Variants in TP73 observed in about 807,000 individuals in gnomAD.
TP73 encodes p53-like transcription factor.
A neutral mutation model predicts 62.5 loss-of-function variants in TP73; 25 were observed. The ratio of observed to expected loss-of-function variants is 0.40; its 90% CI spans 0.29 to 0.56. TP73 has a LOEUF of 0.56. Among genes scored for constraint, TP73 ranks in the 20% least tolerant of loss-of-function variants. The pLI, the probability that TP73 is intolerant of heterozygous loss-of-function variation, is 0.46. For synonymous variants in TP73, 423 were observed against 377.5 expected (o/e 1.12, Z -1.40); for missense variants, 754 against 913.3 (o/e 0.83, Z 2.25).
intron 3 of TP73, chr1:3,690,721 C>A: frequency 7.0e-7 from 1 of 1,432,070 alleles, no homozygotes; most frequent in South Asian, 1.5e-5. Context: ...GCGAAAATGC[C>A]AACAAACGGC....
intron 4 of TP73, among the ~76,000 whole-genome samples, chr1:3,713,426 G>C (rs1640326714): frequency 3.3e-5 from 5 of 152,194 alleles, no homozygotes; most frequent in Admixed American, 2.0e-4. Context: ...GCTTCTCCTG[G>C]ACCCAGTGCT....
In TP73 at chr1:3,699,113, G is replaced by A. The variant is rs1638933978; in HGVS notation, c.187-8436G>A. 6.6e-6 allele frequency among the ~76,000 whole-genome samples: 1 copy of A among 152,190 alleles called. No homozygotes were observed. Among genetic ancestry groups the A allele is most frequent in the Non-Finnish European group, 1.5e-5 (1 of 68,018 alleles). ...GCTGTGGATGAGAGCAGAGGGTGCT[G>A]TGTGCACATTGTCGGGAGAGGGAGG... On this transcript the variant is annotated intron_variant, in intron 3 of 13. Transcript: ENST00000378295. This position sits in a 1 kb window ranked among gnomAD's most constrained non-coding sequence, Gnocchi z 4.1.
chr1:3,690,728 C>T lies in TP73; in HGVS notation c.186+7548C>T, dbSNP rs371650314. 7.9e-4 allele frequency: 1,137 copies of T among 1,434,018 alleles called. 13 individuals carry two copies. The highest frequency in any genetic ancestry group is 4.7e-3 in the South Asian group (319 of 68,144). The allele number at this position is 1,434,018 out of a possible 1,614,324, so 88.8% of individuals were successfully genotyped here. A position where few individuals can be genotyped will look rare whatever the true frequency, so the allele number is the denominator to read the frequency against. On this transcript the variant is annotated intron_variant, in intron 3 of 13. Coordinates refer to ENST00000378295, the MANE Select transcript of TP73 (RefSeq NM_005427.4). ...TGGGAAAAGCGAAAATGCCAACAAA[C>T]GGCCCGCATGTTCCCCAGCATCCTC...
intron 1 of TP73, among the ~76,000 whole-genome samples, chr1:3,681,669 G>A (rs1645524248): frequency 6.6e-6 from 1 of 152,168 alleles, no homozygotes; most frequent in Non-Finnish European, 1.5e-5. Context: ...GGGGGCGTCT[G>A]TGTCCTGCAG....
At chr1:3,728,540 TA>T (rs1471916093) in intron 9 of TP73, among the ~76,000 whole-genome samples, 1 of 152,232 alleles carries the variant, frequency 6.6e-6, no homozygotes, top group Non-Finnish European at 1.5e-5. Flanking sequence ...TCCAGGACCC[TA>T]ACGTTGGCCA....
chr1:3,688,216 T>C (rs1042861615), intron 3 of TP73, among the ~76,000 whole-genome samples: 2 of 152,068 alleles, frequency 1.3e-5, no homozygotes, highest in African/African-American at 4.8e-5. Context: ...CAGCCTTTCC[T>C]TTGGTGGGCT....
At chr1:3,660,613 T>A (rs904236906) in intron 1 of TP73, among the ~76,000 whole-genome samples, 2 of 152,252 alleles carry the variant, frequency 1.3e-5, no homozygotes, top group Non-Finnish European at 2.9e-5. Flanking sequence ...AAGTGTAATG[T>A]ACCAGAATGC....
rs1638673368 is a variant in TP73, at chr1:3,696,522, G to C, written c.187-11027G>C. ...GACAGCGGCTGGAGCTGAGCACTGG[G>C]CACTACGACATCCGAGACACCAAGC... is the stretch of plus-strand genomic sequence containing the variant. On this transcript the variant is annotated intron_variant, in intron 3 of 13. Transcript: ENST00000378295. The surrounding 1 kb of genome is among the most constrained non-coding windows in gnomAD (Gnocchi z 4.1). Among the ~76,000 whole-genome samples, 1 of 151,910 alleles carries C rather than the reference G, an allele frequency of 6.6e-6. No individual in the cohort carries two copies. The highest frequency in any genetic ancestry group is 2.4e-5 in the African/African-American group (1 of 41,404).
chr1:3,693,735 C>T (rs34095686), intron 3 of TP73, among the ~76,000 whole-genome samples: 1 of 95,202 alleles, frequency 1.1e-5, no homozygotes, highest in Non-Finnish European at 2.5e-5. Context: ...AATCCCAGCC[C>T]TGCAGCCTCA....
chr1:3,729,463 G>A lies in TP73; in HGVS notation c.1196+15G>A, dbSNP rs1373887650. The A allele has an allele frequency of 2.5e-6, 4 of 1,612,338 alleles. No individual in the cohort carries two copies. Among genetic ancestry groups the A allele is most frequent in the Middle Eastern group, 1.6e-4 (1 of 6,080 alleles). On this transcript the variant is annotated intron_variant, in intron 10 of 13. Coordinates refer to ENST00000378295, the MANE Select transcript of TP73 (RefSeq NM_005427.4). ...CTACAGAGGCCGTGAGTCAGCCCTAGCCCACCATCAGTGTGGGGAAGGAGG... is the reference window on the plus strand; with the variant it reads ...CTACAGAGGCCGTGAGTCAGCCCTAACCCACCATCAGTGTGGGGAAGGAGG...
At position 3,730,140 on chromosome 1, in the gene TP73, G is replaced by C. The variant is rs1223663309; in HGVS notation, c.1337G>C (p.Gly446Ala). The stretch of plus-strand genomic sequence containing the variant: ...AGTTCGGCAGCTACACCCAACCTGG[G>C]GCCCGTGGGTGAGTCCCTTGGGCAG... ...PHSSAATPNL[G>A]PVGPGMLNNH... The change falls in exon 11 of 14, where the codon GGG becomes GCG. Residue 446 changes from glycine to alanine, a missense_variant. Gly to Ala is a moderately conservative substitution (Grantham distance 60, BLOSUM62 0). Coordinates refer to ENST00000378295, the MANE Select transcript of TP73 (RefSeq NM_005427.4). 5 of 1,554,216 alleles carry C rather than the reference G, an allele frequency of 3.2e-6. No homozygotes were observed. The highest frequency in any genetic ancestry group is 4.4e-6 in the Non-Finnish European group (5 of 1,148,178).
intron 3 of TP73, among the ~76,000 whole-genome samples, chr1:3,692,579 T>C (rs763836005): frequency 5.9e-5 from 9 of 152,110 alleles, no homozygotes; most frequent in Non-Finnish European, 1.2e-4. Context: ...GGCTGCCTTG[T>C]ACCCCCAGAC....
At chr1:3,695,803 G>T (rs1262957296) in intron 3 of TP73, among the ~76,000 whole-genome samples, 3 of 152,250 alleles carry the variant, frequency 2.0e-5, no homozygotes, top group Non-Finnish European at 2.9e-5. Context: ...ACCACAGGGG[G>T]GCAGGGCCAA....
chr1:3,666,647 G>A lies in TP73; in HGVS notation c.-34+14006G>A, dbSNP rs1267011730. Among the ~76,000 whole-genome samples the A allele has an allele frequency of 1.3e-5, 2 of 152,084 alleles. No individual in the cohort carries two copies. Among genetic ancestry groups the A allele is most frequent in the East Asian group, 1.9e-4 (1 of 5,186 alleles). On this transcript the variant is annotated intron_variant, in intron 1 of 13. Coordinates refer to ENST00000378295, the MANE Select transcript of TP73 (RefSeq NM_005427.4). This position sits in a 1 kb window ranked among gnomAD's most constrained non-coding sequence, Gnocchi z 6.4. ...TCCCTGGCCTTGGCTGCAGGCTAGGGTGCCCTTTGACCTCAAAGAGGCCTG... is the reference window on the plus strand; with the variant it reads ...TCCCTGGCCTTGGCTGCAGGCTAGGATGCCCTTTGACCTCAAAGAGGCCTG...
rs762610584 is a variant in TP73, at chr1:3,730,955, C to T, written c.1374C>T (p.His458=). 66 of 1,610,556 alleles carry T rather than the reference C, an allele frequency of 4.1e-5. No homozygotes were observed. The Middle Eastern group carries it at 1.2e-3, about 28-fold the overall frequency. ...VGPGMLNNHG[H]AVPANGEMSS... is the part of the protein sequence containing the mutation. ...CCGGGATGCTCAACAACCATGGCCA[C>T]GCAGTGCCAGCCAACGGCGAGATGA... The change falls in exon 12 of 14, where the codon CAC becomes CAT. Residue 458 remains histidine (H), a synonymous_variant. Coordinates refer to ENST00000378295, the MANE Select transcript of TP73 (RefSeq NM_005427.4).
chr1:3,728,250 AC>A, intron 9 of TP73, 33 bp downstream of exon 9: 1 of 1,597,348 alleles, frequency 6.3e-7, no homozygotes, highest in Non-Finnish European at 8.5e-7. Context: ...CAGCCGGGAG[AC>A]CTGCCTCACC....
chr1:3,703,561 C>A (rs753668563), intron 3 of TP73, among the ~76,000 whole-genome samples: 6 of 152,274 alleles, frequency 3.9e-5, no homozygotes, highest in East Asian at 1.9e-4. Context: ...GAGATCCTAT[C>A]AGCTCTTCTC....
In TP73 at chr1:3,666,280, C is replaced by T. The variant is rs1158212816; in HGVS notation, c.-34+13639C>T. Among the ~76,000 whole-genome samples the T allele has an allele frequency of 4.6e-5, 7 of 152,158 alleles. No individual in the cohort carries two copies. The highest frequency in any genetic ancestry group is 1.3e-4 in the Admixed American group (2 of 15,278). On this transcript the variant is annotated intron_variant, in intron 1 of 13. Transcript: ENST00000378295. This position sits in a 1 kb window ranked among gnomAD's most constrained non-coding sequence, Gnocchi z 6.4. ...TGCCTGTGTCCTGAGTAGCTGTGACCATAGACACACACCACCACATCCAGT... is the reference window on the plus strand; with the variant it reads ...TGCCTGTGTCCTGAGTAGCTGTGACTATAGACACACACCACCACATCCAGT...
Position 3,727,782 on chromosome 1 carries a change from G to C in TP73, c.985+12G>C. 1 of 1,527,544 alleles carries C rather than the reference G, an allele frequency of 6.5e-7. No homozygotes were observed. The highest frequency in any genetic ancestry group is 8.8e-7 in the Non-Finnish European group (1 of 1,136,090). 94.6% of individuals were successfully genotyped at this position (1,527,544 alleles called of 1,614,324 possible). ...CGCCAGCAAGCGTGGTGAGCGGCCGGCCAGGGGAACTGGACGCGTGTGGGA... is the reference window on the plus strand; with the variant it reads ...CGCCAGCAAGCGTGGTGAGCGGCCGCCCAGGGGAACTGGACGCGTGTGGGA... On this transcript the variant is annotated intron_variant, in intron 8 of 13. Transcript: ENST00000378295.
Sources: allele counts gnomAD v4.1 joint callset (sites outside exome capture counted in the v4.1 genomes callset), GRCh38; gene constraint gnomAD v4.1.1; non-coding constraint Gnocchi (gnomAD v3.1); transcripts MANE v1.5; gene names NCBI Gene and HGNC (gene_info 2026-07-23, HGNC 2026-07-21).